NUDT3: variants seen among roughly 807,000 people sequenced by gnomAD.
NUDT3 encodes the protein nudix hydrolase 3, also known as diphosphoinositol polyphosphate phosphohydrolase 1.
Under a neutral mutation model 23.6 loss-of-function variants are expected in NUDT3, and 9 were observed. The ratio of observed to expected loss-of-function variants is 0.38; its 90% CI spans 0.23 to 0.66. The LOEUF (loss-of-function observed/expected upper bound fraction) is 0.66, where lower values mean the gene tolerates loss of function less well. Among genes scored for constraint, NUDT3 ranks in the 30% least tolerant of loss-of-function variants. The pLI is 0.52. For missense variants in NUDT3, 172 were observed against 218.5 expected (o/e 0.79, Z 1.34); for synonymous variants, 86 against 82.6 (o/e 1.04, Z -0.22).
chr6:34,344,422 G>A (rs1470037467), intron 1 of NUDT3, among the ~76,000 whole-genome samples: 1 of 152,176 alleles, frequency 6.6e-6, no homozygotes, highest in Non-Finnish European at 1.5e-5. Flanking sequence ...CATGCTAAGG[G>A]AAGGAAGCCA....
At chr6:34,390,763 G>C (rs1009698186) in intron 1 of NUDT3, among the ~76,000 whole-genome samples, 3 of 152,092 alleles carry the variant, frequency 2.0e-5, no homozygotes, top group African/African-American at 7.2e-5. Flanking sequence ...AGTAAGACAT[G>C]CTATTATGCT....
chr6:34,329,261 A>AAT (rs779005546), intron 2 of NUDT3, among the ~76,000 whole-genome samples: 51 of 152,106 alleles, frequency 3.4e-4, no homozygotes, highest in Non-Finnish European at 7.4e-4. Context: ...CATATACACA[A>AAT]ATATATATAT....
chr6:34,390,925 C>T (rs964244657), intron 1 of NUDT3, among the ~76,000 whole-genome samples: 1 of 152,186 alleles, frequency 6.6e-6, no homozygotes, highest in Admixed American at 6.5e-5. Context: ...ATATAATTTA[C>T]AGCATGGCCC....
chr6:34,333,361 T>A (rs1242390549), intron 2 of NUDT3, among the ~76,000 whole-genome samples: 2 of 152,234 alleles, frequency 1.3e-5, no homozygotes, highest in East Asian at 3.8e-4. Flanking sequence ...CATGATAAAC[T>A]ACTGAATAAT....
Position 34,288,754 on chromosome 6 carries a change from C to A in NUDT3, c.518G>T (p.Ter173LeuextTer15), listed in dbSNP as rs757700400. ...ATTTCTCTTACAGGAAGTCTTCAGT[C>A]ATCTGATGCCTGACATCGAGCTCTG... is the stretch of plus-strand genomic sequence containing the variant. The part of the protein sequence containing the change: ...SAQSSMSGIR[*>L] Residue 173 changes from the stop codon to leucine (L), a stop_lost, in exon 5 of 5, where the codon TGA (stop) becomes TTA (leucine). Coordinates refer to ENST00000607016, the MANE Select transcript of NUDT3 (RefSeq NM_006703.4). 3.7e-6 allele frequency: 6 copies of A among 1,607,782 alleles called. No homozygotes were observed. Among genetic ancestry groups the A allele is most frequent in the Non-Finnish European group, 4.2e-6 (5 of 1,178,112 alleles).
At chr6:34,360,395 G>A (rs1764631615) in intron 1 of NUDT3, among the ~76,000 whole-genome samples, 1 of 151,880 alleles carries the variant, frequency 6.6e-6, no homozygotes. Flanking sequence ...CCAACATGGT[G>A]AAACCCTGTC....
intron 1 of NUDT3, among the ~76,000 whole-genome samples, chr6:34,343,523 AGAGT>A (rs1764320116): frequency 6.6e-6 from 1 of 151,018 alleles, no homozygotes; most frequent in African/African-American, 2.4e-5. Context: ...CCTAGGCCAC[AGAGT>A]GAGACCCCCA....
At chr6:34,308,404 T>C (rs1019286872) in intron 2 of NUDT3, among the ~76,000 whole-genome samples, 8 of 144,698 alleles carry the variant, frequency 5.5e-5, no homozygotes, top group Admixed American at 5.0e-4. Context: ...GAGACTGCAG[T>C]GAGCACTGAT....
chr6:34,342,038 G>A, intron 1 of NUDT3, 66 bp from the exon 2 acceptor site: 1 of 1,405,234 alleles, frequency 7.1e-7, no homozygotes, highest in Admixed American at 2.0e-5. Flanking sequence ...CAAATTCAGA[G>A]TTTAAACACC....
chr6:34,381,171 C>G (rs920495324), intron 1 of NUDT3, among the ~76,000 whole-genome samples: 25 of 152,092 alleles, frequency 1.6e-4, no homozygotes, highest in Non-Finnish European at 7.4e-5. Flanking sequence ...CGCACACCAC[C>G]ACACCAGGCT....
chr6:34,349,071 A>G (rs764026623), intron 1 of NUDT3, among the ~76,000 whole-genome samples: 1 of 151,816 alleles, frequency 6.6e-6, no homozygotes, highest in Non-Finnish European at 1.5e-5. Context: ...AATATTTTTT[A>G]TTTTTACTTT....
chr6:34,296,794 C>T (rs1053595969), intron 2 of NUDT3, among the ~76,000 whole-genome samples: 1 of 152,058 alleles, frequency 6.6e-6, no homozygotes, highest in South Asian at 2.1e-4. Context: ...GAGTTTGGCA[C>T]CCTGCAAGAA....
chr6:34,318,293 T>G (rs144734261), intron 2 of NUDT3, among the ~76,000 whole-genome samples: 1 of 152,326 alleles, frequency 6.6e-6, no homozygotes, highest in East Asian at 1.9e-4. Context: ...GAAAAGATGA[T>G]GGGGTTGTAA....
chr6:34,324,236 C>T (rs577784342), intron 2 of NUDT3, among the ~76,000 whole-genome samples: 1 of 152,104 alleles, frequency 6.6e-6, no homozygotes, highest in East Asian at 1.9e-4. Flanking sequence ...ACCTCTAATC[C>T]CAGCTACTCA....
intron 1 of NUDT3, among the ~76,000 whole-genome samples, chr6:34,370,860 T>C (rs1764815534): frequency 6.6e-6 from 1 of 152,116 alleles, no homozygotes; most frequent in Non-Finnish European, 1.5e-5. Context: ...TCCCAGCACT[T>C]TGAGAGGCCG....
At chr6:34,303,374 C>T (rs1447206146) in intron 2 of NUDT3, among the ~76,000 whole-genome samples, 1 of 151,680 alleles carries the variant, frequency 6.6e-6, no homozygotes, top group Admixed American at 6.6e-5. Context: ...GTTTTTCTTT[C>T]GTTTTCTAAG....
intron 1 of NUDT3, among the ~76,000 whole-genome samples, chr6:34,383,590 T>C (rs1204149203): frequency 2.0e-5 from 3 of 152,202 alleles, no homozygotes; most frequent in South Asian, 4.1e-4. Flanking sequence ...GCTGAAGAAA[T>C]GAATAAACAA....
rs1284689328 is a variant in NUDT3 at position 34,297,758 on chromosome 6, TA to T, written c.211-2074del. On this transcript the variant is annotated intron_variant, in intron 2 of 4. Transcript: ENST00000607016. The stretch of plus-strand genomic sequence containing the variant: ...ATATATATATATATATATATATATA[TA>T]ATTTTTTTTTTTTTTTTAGTAGAGA... Among the ~76,000 whole-genome samples, 386 of 86,930 alleles carry T rather than the reference TA, an allele frequency of 4.4e-3. 6 individuals carry two copies. Among genetic ancestry groups the T allele is most frequent in the African/African-American group, 0.02 (331 of 16,608 alleles). 57.0% of individuals were successfully genotyped at this position (86,930 alleles called of 152,430 possible).
chr6:34,295,783 AAG>A, intron 2 of NUDT3, 98 bp from the exon 3 acceptor site: 1 of 1,477,328 alleles, frequency 6.8e-7, no homozygotes, highest in Non-Finnish European at 9.3e-7. Flanking sequence ...AACAAAAAAC[AAG>A]AGGACACAGC....
Sources: allele counts gnomAD v4.1 joint callset (sites outside exome capture counted in the v4.1 genomes callset), GRCh38; gene constraint gnomAD v4.1.1; transcripts MANE v1.5; gene names NCBI Gene and HGNC (gene_info 2026-07-23, HGNC 2026-07-21).